The following CDH18 variants were observed in gnomAD, a reference collection of about 807,000 sequenced individuals.
CDH18 encodes cadherin 18.
A neutral mutation model predicts 67.9 loss-of-function variants in CDH18; 31 were observed. The ratio of observed to expected loss-of-function variants is 0.46; its 90% CI spans 0.34 to 0.62. The LOEUF (loss-of-function observed/expected upper bound fraction) is 0.62. CDH18 is among the 20% of genes least tolerant of loss of function. CDH18 has a pLI of 0.01. For missense variants in CDH18, 890 were observed against 975.5 expected (o/e 0.91, Z 1.17); for synonymous variants, 362 against 347.2 (o/e 1.04, Z -0.48).
In CDH18 at chr5:19,994,719, A is replaced by ACAT. The variant is rs1735764431; in HGVS notation, c.-517-2706_-517-2705insATG. On this transcript the variant is annotated intron_variant, in intron 2 of 14. Transcript: ENST00000507958. ...TCTTCCAGTATATATATATATATAT[A>ACAT]TATATATATATATATATATAGAGAG... Among the ~76,000 whole-genome samples the ACAT allele has an allele frequency of 9.0e-5, 2 of 22,344 alleles. 1 individual carries two copies. The highest frequency in any genetic ancestry group is 1.6e-4 in the Non-Finnish European group (2 of 12,212). The allele number at this position is 22,344 out of a possible 152,430, so 14.7% of individuals were successfully genotyped here. A position where few individuals can be genotyped will look rare whatever the true frequency, so the allele number is the denominator to read the frequency against.
In CDH18 at chr5:19,508,680, T is replaced by A. The variant is rs562994982; in HGVS notation, c.1513-5571A>T. Among the ~76,000 whole-genome samples the A allele has an allele frequency of 1.2e-4, 19 of 152,184 alleles. No homozygotes were observed. In the South Asian group the frequency reaches 3.9e-3, roughly 32 times the overall value. Reference sequence around the variant, plus strand: ...AAATATACTTTCAATTGTCTGTTAATTGAGACAGACTGTTACTGTTAATTA... The same window carrying A: ...AAATATACTTTCAATTGTCTGTTAAATGAGACAGACTGTTACTGTTAATTA... On this transcript the variant is annotated intron_variant, in intron 10 of 12. Transcript: ENST00000382275.
At chr5:19,940,719 C>T (rs1911855) in intron 2 of CDH18, among the ~76,000 whole-genome samples, 1 of 151,922 alleles carries the variant, frequency 6.6e-6, no homozygotes, top group African/African-American at 2.4e-5. Context: ...AGAGAAGGGT[C>T]CTCTAATCAC....
chr5:19,664,421 T>C (rs1473438711), intron 5 of CDH18, among the ~76,000 whole-genome samples: 1 of 151,940 alleles, frequency 6.6e-6, no homozygotes, highest in African/African-American at 2.4e-5. Context: ...TGATGAAATA[T>C]GTATATTAAG....
intron 4 of CDH18, among the ~76,000 whole-genome samples, chr5:19,740,865 G>C (rs1769020583): frequency 6.6e-6 from 1 of 151,970 alleles, no homozygotes; most frequent in African/African-American, 2.4e-5. Context: ...AGAAATTGAA[G>C]AAGTAATTCC....
At chr5:19,599,409 G>A (rs946589669) in intron 6 of CDH18, among the ~76,000 whole-genome samples, 2 of 152,092 alleles carry the variant, frequency 1.3e-5, no homozygotes, top group African/African-American at 4.8e-5. Flanking sequence ...AAGTAAAACA[G>A]ATGTTATGCT....
intron 2 of CDH18, among the ~76,000 whole-genome samples, chr5:20,031,988 C>T (rs1377473637): frequency 6.6e-6 from 1 of 151,856 alleles, no homozygotes; most frequent in Non-Finnish European, 1.5e-5. Flanking sequence ...TATTGAGAGC[C>T]AGATTGAAAG....
chr5:20,555,579 G>T (rs902879057), intron 1 of CDH18, among the ~76,000 whole-genome samples: 6 of 151,488 alleles, frequency 4.0e-5, no homozygotes, highest in African/African-American at 1.5e-4. Context: ...CAAGTAGCTG[G>T]GATTACAGGC....
intron 1 of CDH18, among the ~76,000 whole-genome samples, chr5:20,458,821 A>C (rs1359795088): frequency 6.6e-6 from 1 of 152,200 alleles, no homozygotes; most frequent in East Asian, 1.9e-4. Context: ...ACTAAATATT[A>C]ATACAAACAT....
intron 2 of CDH18, among the ~76,000 whole-genome samples, chr5:19,951,525 A>C (rs2150264987): frequency 6.6e-6 from 1 of 152,276 alleles, no homozygotes. Context: ...CCAATTTGGA[A>C]CTTGTGTATG....
intron 1 of CDH18, among the ~76,000 whole-genome samples, chr5:20,325,421 A>G (rs1223420290): frequency 6.6e-6 from 1 of 152,194 alleles, no homozygotes; most frequent in African/African-American, 2.4e-5. Flanking sequence ...CTATACACGT[A>G]TCATGTCTTA....
intron 2 of CDH18, among the ~76,000 whole-genome samples, chr5:20,200,916 A>G (rs1231593840): frequency 6.6e-6 from 1 of 152,076 alleles, no homozygotes; most frequent in Non-Finnish European, 1.5e-5. Context: ...CAACTAAAAA[A>G]TCACTCCTTT....
chr5:19,910,118 C>T (rs1361149924), intron 2 of CDH18, among the ~76,000 whole-genome samples: 3 of 151,990 alleles, frequency 2.0e-5, no homozygotes, highest in Admixed American at 6.6e-5. Context: ...TAAATCAGCC[C>T]CAATGTGGCT....
Position 20,306,745 on chromosome 5 carries a change from C to G in CDH18, c.-579-51240G>C, listed in dbSNP as rs1243258934. 5.9e-5 allele frequency among the ~76,000 whole-genome samples: 9 copies of G among 152,246 alleles called. No homozygotes were observed. The East Asian group carries it at 1.5e-3, about 26-fold the overall frequency. ...TTTTTAACAGTGAGGGTTAAAATCT[C>G]TGTTTAATGCGTCTATTTTTCCCTA... On this transcript the variant is annotated intron_variant, in intron 1 of 14. Coordinates refer to the CDH18 transcript ENST00000507958.
At chr5:20,196,042 G>A (rs1447670628) in intron 2 of CDH18, among the ~76,000 whole-genome samples, 1 of 152,114 alleles carries the variant, frequency 6.6e-6, no homozygotes, top group African/African-American at 2.4e-5. Context: ...CTTCCTGGAA[G>A]GTATGGACAT....
intron 2 of CDH18, among the ~76,000 whole-genome samples, chr5:20,164,677 A>G (rs377238569): frequency 6.6e-6 from 1 of 152,242 alleles, no homozygotes; most frequent in Admixed American, 6.5e-5. Context: ...TAAGTAAATT[A>G]GAGGAAGAAG....
intron 7 of CDH18, among the ~76,000 whole-genome samples, chr5:19,582,969 C>CTTA (rs760199925): frequency 2.8e-4 from 43 of 151,652 alleles, no homozygotes; most frequent in Non-Finnish European, 4.4e-4. Flanking sequence ...ATGTTTTTAT[C>CTTA]TTATAATTTA....
At chr5:20,150,495 A>G (rs1751014450) in intron 2 of CDH18, among the ~76,000 whole-genome samples, 1 of 152,104 alleles carries the variant, frequency 6.6e-6, no homozygotes, top group South Asian at 2.1e-4. Flanking sequence ...CAATCAAGGA[A>G]GTGTTTACAT....
intron 9 of CDH18, among the ~76,000 whole-genome samples, chr5:19,523,032 T>A (rs1747175185): frequency 1.3e-5 from 2 of 151,458 alleles, no homozygotes; most frequent in Non-Finnish European, 2.9e-5. Context: ...AGACCCACTA[T>A]ACATAGAAAT....
At chr5:20,222,676 C>CT (rs35401290) in intron 2 of CDH18, among the ~76,000 whole-genome samples, 27 of 147,938 alleles carry the variant, frequency 1.8e-4, no homozygotes, top group Middle Eastern at 3.5e-3. Context: ...TTACAACAGC[C>CT]TTTTTTTTTT....
Sources: gnomAD v4.1 joint callset for allele counts (sites outside exome capture counted in the v4.1 genomes callset) on GRCh38, gnomAD v4.1.1 for gene constraint, MANE v1.5 for transcripts, NCBI Gene and HGNC (gene_info 2026-07-23, HGNC 2026-07-21) for gene names.